GEMIN5: variants seen among roughly 807,000 people sequenced by gnomAD.
GEMIN5 encodes gem-associated protein 5.
A neutral mutation model predicts 176.9 loss-of-function variants in GEMIN5; 124 were observed. The observed-to-expected ratio is 0.70, with a 90% CI of 0.61 to 0.81. The LOEUF is 0.81. GEMIN5 is among the 40% of genes least tolerant of loss of function. GEMIN5 has a pLI of 0.00. For synonymous variants in GEMIN5, 673 were observed against 665.2 expected, an observed-to-expected ratio of 1.01 and a Z score of -0.18; for missense variants, 1,843 against 1,814.6, an observed-to-expected ratio of 1.02 and a Z score of -0.28.
At chr5:154,907,173 G>A (rs933881438) in intron 16 of GEMIN5, among the ~76,000 whole-genome samples, 1 of 152,148 alleles carries the variant, frequency 6.6e-6, no homozygotes, top group African/African-American at 2.4e-5. Context: ...AAGGGGGTGA[G>A]AGCTTGCAAG....
intron 20 of GEMIN5, 29 bp downstream of exon 20, chr5:154,902,510 T>A (rs764446709): frequency 6.8e-6 from 11 of 1,611,706 alleles, no homozygotes; most frequent in Non-Finnish European, 9.3e-6. Context: ...GAGCTTTTGT[T>A]GAAAAGAACA....
chr5:154,937,911 C>A, intron 1 of GEMIN5, 57 bp downstream of exon 1: 2 of 1,409,292 alleles, frequency 1.4e-6, no homozygotes, highest in South Asian at 1.5e-5. Flanking sequence ...GTCCACTCGG[C>A]GCCCCTGGGG....
Position 154,888,167 on chromosome 5 carries a change from C to T in GEMIN5, c.*43G>A. ...GCATAACTGCAGAGGTGAAAGATGT[C>T]AAACATTTTCAATTTGGCAGTTTCT... On this transcript the variant is annotated 3_prime_UTR_variant, in exon 28 of 28. Transcript: ENST00000285873. 1.3e-6 allele frequency: 2 copies of T among 1,588,804 alleles called. No homozygotes were observed. Among genetic ancestry groups the T allele is most frequent in the Non-Finnish European group, 1.7e-6 (2 of 1,157,368 alleles).
At chr5:154,899,340 T>C (rs925656976) in intron 21 of GEMIN5, 30 bp from the exon 22 acceptor site, 1 of 1,581,074 alleles carries the variant, frequency 6.3e-7, no homozygotes. Context: ...CTTTAGCCAA[T>C]CTGAAAAGGC....
At chr5:154,937,422 C>A (rs1393381135) in intron 1 of GEMIN5, among the ~76,000 whole-genome samples, 1 of 152,232 alleles carries the variant, frequency 6.6e-6, no homozygotes, top group African/African-American at 2.4e-5. Context: ...TGTTGATATA[C>A]CTTGCTCTGC....
chr5:154,938,178 C>A lies in GEMIN5; in HGVS notation c.-45G>T. 7.6e-7 allele frequency: 1 copy of A among 1,313,130 alleles called. No individual in the cohort carries two copies. The highest frequency in any genetic ancestry group is 9.8e-7 in the Non-Finnish European group (1 of 1,021,190). 81.3% of individuals were successfully genotyped at this position (1,313,130 alleles called of 1,614,324 possible). A position where few individuals can be genotyped will look rare whatever the true frequency, so the allele number is the denominator to read the frequency against. ...CAAGAGAAGCTGCCACAGCCGACCGCTCGTAGCCTCACGCCTTAGGTAGGG... is the reference window on the plus strand; with the variant it reads ...CAAGAGAAGCTGCCACAGCCGACCGATCGTAGCCTCACGCCTTAGGTAGGG... On this transcript the variant is annotated 5_prime_UTR_variant, in exon 1 of 28. Coordinates refer to ENST00000285873, the MANE Select transcript of GEMIN5 (RefSeq NM_015465.5).
At chr5:154,922,519 T>G (rs1763945104) in intron 9 of GEMIN5, among the ~76,000 whole-genome samples, 2 of 152,260 alleles carry the variant, frequency 1.3e-5, no homozygotes, top group Admixed American at 1.3e-4. Context: ...ACAATAGCTC[T>G]AGGGCAATAC....
chr5:154,895,005 G>C (rs1488466743), intron 24 of GEMIN5, among the ~76,000 whole-genome samples: 1 of 152,020 alleles, frequency 6.6e-6, no homozygotes, highest in African/African-American at 2.4e-5. Context: ...CTTGAACCTG[G>C]GAGGCGGAGG....
chr5:154,922,095 G>C (rs947563806), intron 9 of GEMIN5, among the ~76,000 whole-genome samples: 9 of 152,204 alleles, frequency 5.9e-5, no homozygotes, highest in African/African-American at 2.2e-4. Flanking sequence ...GATCAATCTA[G>C]AGAATAAATC....
At chr5:154,895,540 A>G (rs982764210) in intron 24 of GEMIN5, among the ~76,000 whole-genome samples, 5 of 152,290 alleles carry the variant, frequency 3.3e-5, no homozygotes, top group African/African-American at 9.6e-5. Flanking sequence ...GAGGAAAGGA[A>G]CAAGAAGGAC....
In GEMIN5 at chr5:154,934,513, T is replaced by C. The variant is rs1191716221; in HGVS notation, c.509+1328A>G. 3.3e-5 allele frequency among the ~76,000 whole-genome samples: 5 copies of C among 152,264 alleles called. No individual in the cohort carries two copies. In the East Asian group the frequency reaches 7.7e-4, roughly 24 times the overall value. On this transcript the variant is annotated intron_variant, in intron 3 of 27. Coordinates refer to ENST00000285873, the MANE Select transcript of GEMIN5 (RefSeq NM_015465.5). ...TTTTAGTAGAGATGGGGCTTCACCATGTTGGCCGGGCTGGTCTTGAACTCC... is the reference window on the plus strand; with the variant it reads ...TTTTAGTAGAGATGGGGCTTCACCACGTTGGCCGGGCTGGTCTTGAACTCC...
chr5:154,907,489 G>T, intron 16 of GEMIN5, 102 bp downstream of exon 16: 6 of 713,190 alleles, frequency 8.4e-6, no homozygotes, highest in Non-Finnish European at 1.4e-5. Context: ...TCCAAGAGTT[G>T]GAAAAATGGG....
At chr5:154,928,102 T>G (rs959411728) in intron 6 of GEMIN5, among the ~76,000 whole-genome samples, 2 of 152,210 alleles carry the variant, frequency 1.3e-5, no homozygotes, top group African/African-American at 4.8e-5. Context: ...TATATTGGAC[T>G]ACCCTTTAAA....
Position 154,890,467 on chromosome 5 carries a change from ATTT to A in GEMIN5, c.4262+771_4262+773del, listed in dbSNP as rs748573084. On this transcript the variant is annotated intron_variant, in intron 26 of 27. Transcript: ENST00000285873. ...TTGTCACCTGGCTTCTTAAAATTTA[ATTT>A]TTTTTTTTTTTTTTTGTAGAGACAG... Among the ~76,000 whole-genome samples, 473 of 138,154 alleles carry A rather than the reference ATTT, an allele frequency of 3.4e-3. 2 individuals carry two copies. The highest frequency in any genetic ancestry group is 0.011 in the African/African-American group (416 of 37,086). 90.6% of individuals were successfully genotyped at this position (138,154 alleles called of 152,430 possible). A position where few individuals can be genotyped will look rare whatever the true frequency, so the allele number is the denominator to read the frequency against.
At chr5:154,907,531 A>T in intron 16 of GEMIN5, 60 bp downstream of exon 16, 2 of 1,194,916 alleles carry the variant, frequency 1.7e-6, no homozygotes, top group Non-Finnish European at 2.5e-6. Flanking sequence ...GTAAGGACCT[A>T]GCTTAGTTTC....
intron 16 of GEMIN5, 26 bp downstream of exon 16, chr5:154,907,565 G>C (rs759818445): frequency 4.5e-6 from 7 of 1,540,916 alleles, no homozygotes; most frequent in Middle Eastern, 1.7e-4. Flanking sequence ...TGAAATCCTA[G>C]TGATACACAG....
intron 1 of GEMIN5, 113 bp from the exon 2 acceptor site, chr5:154,937,298 G>A: frequency 1.2e-6 from 1 of 858,862 alleles, no homozygotes; most frequent in Non-Finnish European, 1.8e-6. Flanking sequence ...CTTAACCCAT[G>A]GTATAACTGA....
chr5:154,909,391 G>A (rs1478466515), intron 15 of GEMIN5, among the ~76,000 whole-genome samples: 3 of 151,632 alleles, frequency 2.0e-5, no homozygotes, highest in East Asian at 1.9e-4. Flanking sequence ...TTATTATATC[G>A]GTCTGGACTC....
intron 6 of GEMIN5, 66 bp from the exon 7 acceptor site, chr5:154,927,616 C>T (rs1764073705): frequency 1.6e-6 from 2 of 1,256,598 alleles, no homozygotes; most frequent in Non-Finnish European, 2.3e-6. Context: ...ACTGTTGAGA[C>T]AGAGTCTGGG....
Sources: allele counts gnomAD v4.1 joint callset (sites outside exome capture counted in the v4.1 genomes callset), GRCh38; gene constraint gnomAD v4.1.1; transcripts MANE v1.5; gene names NCBI Gene and HGNC (gene_info 2026-07-23, HGNC 2026-07-21).